Variants in KIAA0319L observed in about 807,000 individuals in gnomAD.
KIAA0319L encodes the protein dyslexia-associated protein KIAA0319-like protein.
A neutral mutation model predicts 120.1 loss-of-function variants in KIAA0319L; 55 were observed. That is an observed-to-expected ratio of 0.46 (90% CI 0.37 to 0.57). The LOEUF (loss-of-function observed/expected upper bound fraction) is 0.57, where lower values mean the gene tolerates loss of function less well. Among genes scored for constraint, KIAA0319L ranks in the 20% least tolerant of loss-of-function variants. The pLI is 0.00. For missense variants in KIAA0319L, 1,049 were observed against 1,255.3 expected (o/e 0.84, Z 2.48); for synonymous variants, 398 against 471.9 (o/e 0.84, Z 2.03).
chr1:35,520,989 T>A (rs1234642242), intron 2 of KIAA0319L, among the ~76,000 whole-genome samples: 5 of 152,178 alleles, frequency 3.3e-5, no homozygotes, highest in African/African-American at 1.2e-4. Context: ...TGCATACTGT[T>A]TGAGATAGAA....
In KIAA0319L at chr1:35,437,261, G is replaced by A. The variant is rs1408712256; in HGVS notation, c.2963-2180C>T. Among the ~76,000 whole-genome samples, 8 of 152,088 alleles carry A rather than the reference G, an allele frequency of 5.3e-5. No individual in the cohort carries two copies. The highest frequency in any genetic ancestry group is 1.2e-4 in the Non-Finnish European group (8 of 68,008). On this transcript the variant is annotated intron_variant, in intron 20 of 20. Coordinates refer to ENST00000325722, the MANE Select transcript of KIAA0319L (RefSeq NM_024874.5). The surrounding 1 kb of genome is among the most constrained non-coding windows in gnomAD (Gnocchi z 4.1). ...GCACTTCTCCGGGCCATCACCGCCCGTTTCTCCCCTCCTGCCTCAGAAGAG... is the reference window on the plus strand; with the variant it reads ...GCACTTCTCCGGGCCATCACCGCCCATTTCTCCCCTCCTGCCTCAGAAGAG...
chr1:35,458,965 T>C (rs1482130463), intron 9 of KIAA0319L, among the ~76,000 whole-genome samples: 2 of 152,102 alleles, frequency 1.3e-5, no homozygotes, highest in East Asian at 1.9e-4. Context: ...AAGTCAGAAG[T>C]TGCATATTGA....
rs149618799 is a variant in KIAA0319L at position 35,499,632 on chromosome 1, A to G, written c.666+6980T>C. Among the ~76,000 whole-genome samples the G allele has an allele frequency of 2.9e-3, 447 of 152,328 alleles. 2 individuals are homozygous for G. The highest frequency in any genetic ancestry group is 0.01 in the African/African-American group (426 of 41,562). On this transcript the variant is annotated intron_variant, in intron 3 of 20. Transcript: ENST00000325722. ...AAACGCAATTTCAAACTCACTGCAC[A>G]TACTAAAAACTAGATAAGTAGATTA...
chr1:35,436,739 G>A (rs1254163125), intron 20 of KIAA0319L, among the ~76,000 whole-genome samples: 1 of 152,092 alleles, frequency 6.6e-6, no homozygotes, highest in Admixed American at 6.6e-5. Context: ...TCCTGAGGGG[G>A]GCAGCCCTAC....
chr1:35,523,464 CAAAAG>C (rs927688662), intron 2 of KIAA0319L, among the ~76,000 whole-genome samples: 4 of 152,184 alleles, frequency 2.6e-5, no homozygotes, highest in African/African-American at 9.6e-5. Context: ...AATGAATGAA[CAAAAG>C]AAATGTCAGG....
At chr1:35,526,540 G>A in intron 2 of KIAA0319L, among the ~76,000 whole-genome samples, 1 of 150,520 alleles carries the variant, frequency 6.6e-6, no homozygotes, top group East Asian at 1.9e-4. Context: ...CAACCTCCTG[G>A]GCTTAAACAA....
At chr1:35,481,828 T>A (rs1473174529) in intron 3 of KIAA0319L, among the ~76,000 whole-genome samples, 1 of 135,458 alleles carries the variant, frequency 7.4e-6, no homozygotes, top group Non-Finnish European at 1.6e-5. Context: ...TTTTTTTTTT[T>A]TTTTTTTTTT....
chr1:35,468,792 G>A (rs926638072), intron 6 of KIAA0319L, among the ~76,000 whole-genome samples: 1 of 152,092 alleles, frequency 6.6e-6, no homozygotes, highest in Admixed American at 6.5e-5. Context: ...TTAACCACTT[G>A]TCATAGCACA....
At chr1:35,549,975 C>T (rs1044225959) in intron 2 of KIAA0319L, among the ~76,000 whole-genome samples, 2 of 152,204 alleles carry the variant, frequency 1.3e-5, no homozygotes, top group African/African-American at 4.8e-5. Flanking sequence ...TTCCAAAACT[C>T]CTGGGATCAC....
chr1:35,483,916 T>C (rs1644267668), intron 3 of KIAA0319L, among the ~76,000 whole-genome samples: 1 of 152,132 alleles, frequency 6.6e-6, no homozygotes, highest in South Asian at 2.1e-4. Context: ...GCTCTTAGCA[T>C]TCCTTGGCTT....
intron 3 of KIAA0319L, among the ~76,000 whole-genome samples, chr1:35,502,204 G>C (rs931272355): frequency 1.3e-5 from 2 of 151,450 alleles, no homozygotes. Flanking sequence ...TGAACCCAGA[G>C]GCAGAGGTTG....
intron 3 of KIAA0319L, among the ~76,000 whole-genome samples, chr1:35,504,557 T>C (rs1435173058): frequency 6.6e-6 from 1 of 152,182 alleles, no homozygotes; most frequent in East Asian, 1.9e-4. Context: ...ACATACATAA[T>C]ATGTGTTAAT....
intron 3 of KIAA0319L, among the ~76,000 whole-genome samples, chr1:35,479,625 GC>G (rs1423089699): frequency 6.6e-6 from 1 of 152,108 alleles, no homozygotes; most frequent in Non-Finnish European, 1.5e-5. Flanking sequence ...AAATATACCA[GC>G]TAAGCATGGT....
intron 3 of KIAA0319L, among the ~76,000 whole-genome samples, chr1:35,484,259 A>C (rs1570771639): frequency 6.6e-6 from 1 of 152,036 alleles, no homozygotes; most frequent in East Asian, 1.9e-4. Context: ...TAAGTGTTTC[A>C]TGTCTTTGGG....
intron 1 of KIAA0319L, 189 bp from the exon 2 acceptor site, chr1:35,554,708 A>C: frequency 2.6e-6 from 1 of 384,578 alleles, no homozygotes; most frequent in East Asian, 3.9e-5. Flanking sequence ...GAATAACAAC[A>C]CAGCAAGGGA....
At chr1:35,448,564 G>A (rs1187648336) in intron 15 of KIAA0319L, among the ~76,000 whole-genome samples, 1 of 152,188 alleles carries the variant, frequency 6.6e-6, no homozygotes, top group Non-Finnish European at 1.5e-5. Flanking sequence ...ATGTGCTGGG[G>A]ATAAGGCTGA....
chr1:35,536,712 T>G (rs1646585869), intron 2 of KIAA0319L, among the ~76,000 whole-genome samples: 1 of 152,188 alleles, frequency 6.6e-6, no homozygotes, highest in South Asian at 2.1e-4. Flanking sequence ...TCTGCCAAGG[T>G]TTAGCCCAAA....
intron 2 of KIAA0319L, among the ~76,000 whole-genome samples, chr1:35,528,453 G>T (rs1242139924): frequency 6.6e-6 from 1 of 152,122 alleles, no homozygotes; most frequent in Non-Finnish European, 1.5e-5. Flanking sequence ...TCTTGTTATG[G>T]ATTTGTTTTA....
chr1:35,454,575 T>C (rs1257368184), intron 10 of KIAA0319L, 90 bp from the exon 11 acceptor site: 7 of 1,554,972 alleles, frequency 4.5e-6, no homozygotes, highest in Non-Finnish European at 6.1e-6. Flanking sequence ...TTTAGTTTTC[T>C]AAACCAAAGA....
Sources: allele counts gnomAD v4.1 joint callset (sites outside exome capture counted in the v4.1 genomes callset), GRCh38; gene constraint gnomAD v4.1.1; non-coding constraint Gnocchi (gnomAD v3.1); transcripts MANE v1.5; gene names NCBI Gene and HGNC (gene_info 2026-07-23, HGNC 2026-07-21).